The following ZMYM6 variants were observed in gnomAD, a reference collection of about 807,000 sequenced individuals.
ZMYM6 encodes zinc finger MYM-type containing 6, also known as zinc finger MYM-type protein 6.
In ZMYM6, 90 loss-of-function variants were observed where a neutral mutation model predicts 134.0. That is an observed-to-expected ratio of 0.67 (90% CI 0.57 to 0.80). The LOEUF is 0.80. ZMYM6 is among the 30% of genes least tolerant of loss of function. The probability of loss-of-function intolerance (pLI) is 0.00; values close to 1 mark genes in which losing one functional copy is unlikely to be tolerated. For missense variants in ZMYM6, 1,362 were observed against 1,533.9 expected (o/e 0.89, Z 1.87); for synonymous variants, 481 against 524.1 (o/e 0.92, Z 1.12).
At chr1:35,017,718 T>TTA (rs1189281246) in intron 4 of ZMYM6, 1 of 152,184 alleles carries the variant, frequency 6.6e-6, no homozygotes, top group Non-Finnish European at 1.5e-5. Context: ...TTAGCTAATA[T>TTA]ATTGGCCTGA....
intron 2 of ZMYM6, among the ~76,000 whole-genome samples, chr1:35,027,816 C>G (rs1414984355): frequency 6.6e-6 from 1 of 152,124 alleles, no homozygotes; most frequent in Non-Finnish European, 1.5e-5. Context: ...CTAAAAACCA[C>G]AAAACCTGGC....
At chr1:35,012,267 C>T (rs1557576817) in intron 7 of ZMYM6, among the ~76,000 whole-genome samples, 164 bp downstream of exon 7, 2 of 151,938 alleles carry the variant, frequency 1.3e-5, no homozygotes, top group East Asian at 1.9e-4. Context: ...CCAAGAAAAT[C>T]GGGGAAAAAC....
At chr1:35,015,236 A>C (rs1001640905) in intron 4 of ZMYM6, 74 bp from the exon 5 acceptor site, 12 of 1,374,000 alleles carry the variant, frequency 8.7e-6, no homozygotes, top group Non-Finnish European at 1.1e-5. Flanking sequence ...TGTGAGGTGA[A>C]ATAACACTTA....
rs1397251737 is a variant in ZMYM6, at chr1:35,010,597, C to T, written c.1342G>A (p.Gly448Ser). ...ATKPELLFYK[G>S]KMFLFCGKNC... ...TTGCCACAAAACAGAAACATTTTAC[C>T]CTGCAGAGAAACAACAGTCCATTAA... Residue 448 changes from glycine (G) to serine (S), a missense_variant and splice_region_variant, in exon 10 of 16, where the codon GGT (glycine) becomes AGT (serine). Physicochemically the swap from Gly to Ser is moderately conservative, Grantham distance 56 (BLOSUM62 0). Around this residue, in one of 3 missense-constraint regions of ZMYM6, gnomAD observed 35 missense variants for 72.2 expected, o/e 0.48. Coordinates refer to ENST00000357182, the MANE Select transcript of ZMYM6 (RefSeq NM_007167.4). 6.2e-7 allele frequency: 1 copy of T among 1,607,058 alleles called. No individual in the cohort carries two copies. The highest frequency in any genetic ancestry group is 8.5e-7 in the Non-Finnish European group (1 of 1,178,138).
intron 6 of ZMYM6, chr1:35,012,869 C>T (rs959650065): frequency 1.0e-6 from 1 of 985,128 alleles, no homozygotes; most frequent in African/African-American, 1.7e-5. Flanking sequence ...TTTTAATCAC[C>T]AATAACCAGA....
intron 11 of ZMYM6, 124 bp downstream of exon 11, chr1:35,008,628 G>T: frequency 1.1e-6 from 1 of 883,098 alleles, no homozygotes; most frequent in Non-Finnish European, 1.7e-6. Context: ...TTCTATTATA[G>T]CCCATAACTT....
rs1045066803 is a variant in ZMYM6 at position 35,012,673 on chromosome 1, C to T, written c.796-92G>A. 1.1e-5 allele frequency: 17 copies of T among 1,516,208 alleles called. No individual in the cohort carries two copies. In the Admixed American group the frequency reaches 1.6e-4, roughly 14 times the overall value. The allele number at this position is 1,516,208 out of a possible 1,614,324, so 93.9% of individuals were successfully genotyped here. A position where few individuals can be genotyped will look rare whatever the true frequency, so the allele number is the denominator to read the frequency against. Reference sequence around the variant, plus strand: ...TAAAAAGAAAAGCTACCTACAACCACGGTCCTTGGTTGAAATATTTGAGCA... The same window carrying T: ...TAAAAAGAAAAGCTACCTACAACCATGGTCCTTGGTTGAAATATTTGAGCA... On this transcript the variant is annotated intron_variant, in intron 6 of 15. Coordinates refer to ENST00000357182, the MANE Select transcript of ZMYM6 (RefSeq NM_007167.4).
chr1:35,020,519 G>A, intron 2 of ZMYM6, 52 bp from the exon 3 acceptor site: 2 of 1,164,134 alleles, frequency 1.7e-6, no homozygotes, highest in South Asian at 1.6e-5. Flanking sequence ...ATGTATGTAA[G>A]TAAACTAGAA....
At position 34,988,579 on chromosome 1, in the gene ZMYM6, TTAAA is replaced by T. The variant is rs1557553801; in HGVS notation, c.2499_2502del (p.Tyr833Ter). 1 of 1,551,118 alleles carries T rather than the reference TTAAA, an allele frequency of 6.4e-7. No homozygotes were observed. The highest frequency in any genetic ancestry group is 8.7e-7 in the Non-Finnish European group (1 of 1,146,888). On this transcript the variant is annotated frameshift_variant, in exon 16 of 16. Coordinates refer to ENST00000357182, the MANE Select transcript of ZMYM6 (RefSeq NM_007167.4). LOFTEE classifies it high-confidence loss of function. ...TTGCTTGCAGCAGTTTGGAAAGCAA[TTAAA>T]TAAGAAGCTTTCACAAGTGACTTTT...
chr1:35,029,187 A>C (rs1344797583), intron 2 of ZMYM6, among the ~76,000 whole-genome samples: 2 of 152,128 alleles, frequency 1.3e-5, no homozygotes, highest in African/African-American at 2.4e-5. Context: ...AAACAAAAAC[A>C]AAAAACCCTA....
intron 14 of ZMYM6, among the ~76,000 whole-genome samples, chr1:34,996,085 G>A (rs1640779257): frequency 6.6e-6 from 1 of 152,070 alleles, no homozygotes; most frequent in African/African-American, 2.4e-5. Context: ...AATTCTACAT[G>A]TGCTAGTTTA....
At chr1:35,012,699 T>C (rs1641108296) in intron 6 of ZMYM6, 118 bp from the exon 7 acceptor site, 1 of 1,465,046 alleles carries the variant, frequency 6.8e-7, no homozygotes, top group Non-Finnish European at 9.0e-7. Context: ...TATTTGAGCA[T>C]GATGATGAAA....
At chr1:35,028,057 T>C (rs1476478839) in intron 2 of ZMYM6, among the ~76,000 whole-genome samples, 6 of 152,122 alleles carry the variant, frequency 3.9e-5, no homozygotes, top group Non-Finnish European at 8.8e-5. Context: ...CTTACAACCA[T>C]AATCCCAGCA....
At chr1:35,012,893 C>T (rs1238299197) in intron 6 of ZMYM6, 2 of 985,194 alleles carry the variant, frequency 2.0e-6, no homozygotes, top group Non-Finnish European at 2.4e-6. Context: ...GACCAGCTAA[C>T]CCATGAACCA....
rs756976700 is a variant in ZMYM6, at chr1:34,992,316, G to A, written c.2064C>T (p.Asn688=). The change falls in exon 15 of 16, where the codon AAC becomes AAT. Residue 688 remains asparagine (N), a synonymous_variant. Transcript: ENST00000357182. ...TGACGGGTTTGCATGATATGCCTTTGTTCTTTAAAAGCCTGGAAGGCTGGG... is the reference window on the plus strand; with the variant it reads ...TGACGGGTTTGCATGATATGCCTTTATTCTTTAAAAGCCTGGAAGGCTGGG... The part of the protein sequence containing the change: ...QSSQPSRLLK[N]KGISCKPVTQ... 1.9e-6 allele frequency: 3 copies of A among 1,613,944 alleles called. No homozygotes were observed. The Admixed American group carries it at 5.0e-5, about 27-fold the overall frequency.
At chr1:35,001,069 CA>C (rs1557565692) in intron 14 of ZMYM6, among the ~76,000 whole-genome samples, 1 of 152,132 alleles carries the variant, frequency 6.6e-6, no homozygotes. Context: ...TCTACAATTG[CA>C]ACCATAGAGC....
At position 35,020,908 on chromosome 1, in the gene ZMYM6, C is replaced by T. The variant is rs1641298046; in HGVS notation, c.94-441G>A. 2.0e-5 allele frequency among the ~76,000 whole-genome samples: 3 copies of T among 151,900 alleles called. No individual in the cohort carries two copies. The South Asian group carries it at 6.2e-4, about 32-fold the overall frequency. On this transcript the variant is annotated intron_variant, in intron 2 of 15. Transcript: ENST00000357182. ...TAAACAGTCTAATCATAAATACCTT[C>T]ACAAGCACCTCAAAAGTCAAAATTT...
intron 2 of ZMYM6, among the ~76,000 whole-genome samples, chr1:35,021,800 C>A (rs975478770): frequency 2.6e-5 from 4 of 152,058 alleles, no homozygotes; most frequent in African/African-American, 9.7e-5. Flanking sequence ...TTATTCTTAC[C>A]ACATTCTTTA....
At position 34,995,690 on chromosome 1, in the gene ZMYM6, C is replaced by T. The variant is rs1235199856; in HGVS notation, c.1993-3303G>A. Among the ~76,000 whole-genome samples the T allele has an allele frequency of 5.9e-5, 9 of 152,088 alleles. 1 individual carries two copies. In the South Asian group the frequency reaches 6.2e-4, roughly 11 times the overall value. On this transcript the variant is annotated intron_variant, in intron 14 of 15. Coordinates refer to ENST00000357182, the MANE Select transcript of ZMYM6 (RefSeq NM_007167.4). ...CAGGCAGAATGGCATGAGATTTCATCGTGCTACTCAGAATGGCACACAATT... is the reference window on the plus strand; with the variant it reads ...CAGGCAGAATGGCATGAGATTTCATTGTGCTACTCAGAATGGCACACAATT...
Sources: gnomAD v4.1 joint callset for allele counts (sites outside exome capture counted in the v4.1 genomes callset) on GRCh38, gnomAD v4.1.1 for gene constraint, gnomAD v4.1.1 regional missense constraint, MANE v1.5 for transcripts, NCBI Gene and HGNC (gene_info 2026-07-23, HGNC 2026-07-21) for gene names.